Variants in CNTN6 observed in about 807,000 individuals in gnomAD.
CNTN6 encodes the protein contactin 6.
In CNTN6, 137 loss-of-function variants were observed where a neutral mutation model predicts 122.8. The observed-to-expected ratio is 1.12, with a 90% CI of 0.97 to 1.29. CNTN6 has a LOEUF of 1.29. CNTN6 is among the 50% of genes most tolerant of loss of function. The pLI is 0.00. For missense variants in CNTN6, 1,634 were observed against 1,223.4 expected (o/e 1.34, Z -5.01); for synonymous variants, 570 against 426.0 (o/e 1.34, Z -4.16).
intron 11 of CNTN6, among the ~76,000 whole-genome samples, chr3:1,346,464 A>AT (rs1223756082): frequency 6.6e-6 from 1 of 151,992 alleles, no homozygotes; most frequent in African/African-American, 2.4e-5. Context: ...TTGGGAATAG[A>AT]TTTGTTCCTG....
At chr3:1,265,044 CTTTTTTTTT>C (rs201949693) in intron 4 of CNTN6, among the ~76,000 whole-genome samples, 9 of 100,776 alleles carry the variant, frequency 8.9e-5, no homozygotes, top group Non-Finnish European at 1.7e-4. Context: ...ACCGAATTTC[CTTTTTTTTT>C]TTTTTTTTTT....
intron 11 of CNTN6, among the ~76,000 whole-genome samples, chr3:1,335,964 A>T (rs1404463456): frequency 6.6e-6 from 1 of 151,990 alleles, no homozygotes; most frequent in Non-Finnish European, 1.5e-5. Context: ...GTGGGAGAAT[A>T]ACTTGAGCCC....
chr3:1,249,447 G>A (rs1233285543), intron 4 of CNTN6, among the ~76,000 whole-genome samples: 1 of 152,160 alleles, frequency 6.6e-6, no homozygotes, highest in Non-Finnish European at 1.5e-5. Flanking sequence ...TTGGAATAAA[G>A]CACCAGGAAA....
intron 22 of CNTN6, chr3:1,402,723 C>G: frequency 2.6e-6 from 1 of 388,582 alleles, no homozygotes; most frequent in South Asian, 5.9e-5. Context: ...GAAAAAAAAT[C>G]TTTGTGTCAT....
rs542812765 is a variant in CNTN6, at chr3:1,342,270, C to T, written c.1365-10054C>T. On this transcript the variant is annotated intron_variant, in intron 11 of 22. Transcript: ENST00000446702. ...TCAGCCTCTGGAATAGCTGGGATTA[C>T]AGGCGAGCGCCACCACACCCGGCTA... Among the ~76,000 whole-genome samples, 8 of 152,172 alleles carry T rather than the reference C, an allele frequency of 5.3e-5. No individual in the cohort carries two copies. The East Asian group carries it at 1.6e-3, about 30-fold the overall frequency.
intron 4 of CNTN6, among the ~76,000 whole-genome samples, chr3:1,242,435 T>C (rs1011512444): frequency 5.3e-5 from 8 of 152,116 alleles, no homozygotes; most frequent in African/African-American, 1.7e-4. Flanking sequence ...GTCCGGTTTT[T>C]GGACAGGTAA....
In CNTN6 at chr3:1,383,313, G is replaced by A. The variant is rs1005325666; in HGVS notation, c.2422G>A (p.Gly808Arg). ...GEDEPQLAPR[G>R]TSLQSFSASE... ...GGTAGAACCTCAACTGGCCCCAAGGGGAACTTCTCTCCAGAGTTTTTCTGC... is the reference window on the plus strand; with the variant it reads ...GGTAGAACCTCAACTGGCCCCAAGGAGAACTTCTCTCCAGAGTTTTTCTGC... Residue 808 changes from glycine to arginine, a missense_variant, in exon 19 of 23, where the codon GGA becomes AGA. Transcript: ENST00000446702. 6.2e-7 allele frequency: 1 copy of A among 1,613,944 alleles called. No homozygotes were observed. Among genetic ancestry groups the A allele is most frequent in the South Asian group, 1.1e-5 (1 of 91,074 alleles).
At chr3:1,278,094 C>G (rs1456514165) in intron 4 of CNTN6, among the ~76,000 whole-genome samples, 1 of 152,180 alleles carries the variant, frequency 6.6e-6, no homozygotes, top group Non-Finnish European at 1.5e-5. Context: ...TAAAATCACA[C>G]CTTCCTTGGA....
At chr3:1,376,949 C>G in intron 16 of CNTN6, 56 bp from the exon 17 acceptor site, 1 of 1,186,560 alleles carries the variant, frequency 8.4e-7, no homozygotes, top group South Asian at 1.3e-5. Flanking sequence ...AAAATTCTTC[C>G]TGATGAAGAC....
chr3:1,112,742 A>T (rs969166504), intron 1 of CNTN6, among the ~76,000 whole-genome samples: 3 of 152,116 alleles, frequency 2.0e-5, no homozygotes, highest in African/African-American at 7.2e-5. Flanking sequence ...GATCAGATTG[A>T]TCCCTAAAAT....
At chr3:1,230,597 T>C (rs2094341326) in intron 4 of CNTN6, among the ~76,000 whole-genome samples, 1 of 152,230 alleles carries the variant, frequency 6.6e-6, no homozygotes, top group African/African-American at 2.4e-5. Context: ...CTTTGACATA[T>C]ATTATTTCAC....
intron 21 of CNTN6, 90 bp downstream of exon 21, chr3:1,401,635 T>A: frequency 1.3e-6 from 1 of 763,800 alleles, no homozygotes; most frequent in Non-Finnish European, 2.2e-6. Context: ...ATTGGATGCA[T>A]ATGGAAACAC....
chr3:1,136,464 A>T (rs779474929), intron 1 of CNTN6, among the ~76,000 whole-genome samples: 1 of 152,174 alleles, frequency 6.6e-6, no homozygotes, highest in Non-Finnish European at 1.5e-5. Flanking sequence ...CCTGTCTTCA[A>T]GTTCTGTAAT....
At chr3:1,161,643 T>A (rs1455801591) in intron 2 of CNTN6, among the ~76,000 whole-genome samples, 1 of 151,884 alleles carries the variant, frequency 6.6e-6, no homozygotes, top group African/African-American at 2.4e-5. Context: ...CTATGTTTTA[T>A]TTTTTAGCCA....
intron 7 of CNTN6, among the ~76,000 whole-genome samples, chr3:1,317,625 A>C (rs1700275270): frequency 1.3e-5 from 2 of 151,670 alleles, no homozygotes; most frequent in Non-Finnish European, 2.9e-5. Flanking sequence ...CTTGGCGTTT[A>C]TACCTCACTG....
At chr3:1,301,715 C>T (rs1697456831) in intron 7 of CNTN6, among the ~76,000 whole-genome samples, 1 of 139,748 alleles carries the variant, frequency 7.2e-6, no homozygotes, top group Non-Finnish European at 1.5e-5. Flanking sequence ...AAGTCTGAAG[C>T]ATCTGCTCGG....
At chr3:1,303,037 G>C (rs1697701204) in intron 7 of CNTN6, among the ~76,000 whole-genome samples, 1 of 151,922 alleles carries the variant, frequency 6.6e-6, no homozygotes, top group Non-Finnish European at 1.5e-5. Context: ...CAGTCTACTG[G>C]TGAGCCCATC....
intron 11 of CNTN6, 46 bp from the exon 12 acceptor site, chr3:1,352,278 A>C (rs369922850): frequency 1.4e-6 from 2 of 1,419,662 alleles, no homozygotes; most frequent in African/African-American, 1.5e-5. Context: ...ATGATTTACC[A>C]GTGTTGAAGA....
rs73819711 is a variant in CNTN6, at chr3:1,338,306, T to C, written c.1364+8371T>C. 7.1e-3 allele frequency among the ~76,000 whole-genome samples: 1,082 copies of C among 152,300 alleles called. 9 individuals carry two copies. Among genetic ancestry groups the C allele is most frequent in the African/African-American group, 0.023 (975 of 41,578 alleles). On this transcript the variant is annotated intron_variant, in intron 11 of 22. Coordinates refer to ENST00000446702, the MANE Select transcript of CNTN6 (RefSeq NM_001289080.2). Reference sequence around the variant, plus strand: ...TATCAGTCAGTTTCAAATTTGATCATGCACCATAAGAATCTTGTGAAAAAT... The same window carrying C: ...TATCAGTCAGTTTCAAATTTGATCACGCACCATAAGAATCTTGTGAAAAAT...
Sources: gnomAD v4.1 joint callset for allele counts (sites outside exome capture counted in the v4.1 genomes callset) on GRCh38, gnomAD v4.1.1 for gene constraint, MANE v1.5 for transcripts, NCBI Gene and HGNC (gene_info 2026-07-23, HGNC 2026-07-21) for gene names.